The following STARD13 variants were observed in gnomAD, a reference collection of about 807,000 sequenced individuals.
STARD13 encodes stAR-related lipid transfer protein 13.
Under a neutral mutation model 106.4 loss-of-function variants are expected in STARD13, and 62 were observed. That is an observed-to-expected ratio of 0.58 (90% CI 0.48 to 0.72). The LOEUF (loss-of-function observed/expected upper bound fraction) is 0.72, where lower values mean the gene tolerates loss of function less well. STARD13 is among the 30% of genes least tolerant of loss of function. STARD13 has a pLI of 0.00. For synonymous variants in STARD13, 565 were observed against 553.0 expected, an observed-to-expected ratio of 1.02 and a Z score of -0.31; for missense variants, 1,387 against 1,424.0, an observed-to-expected ratio of 0.97 and a Z score of 0.42.
intron 1 of STARD13, among the ~76,000 whole-genome samples, chr13:33,333,378 ACT>A (rs1231185447): frequency 2.0e-5 from 3 of 152,168 alleles, no homozygotes; most frequent in African/African-American, 7.2e-5. Flanking sequence ...ACAGAGTGAG[ACT>A]CAGCCTCAAA....
chr13:33,318,735 A>G (rs1174013591), intron 1 of STARD13, among the ~76,000 whole-genome samples: 1 of 152,154 alleles, frequency 6.6e-6, no homozygotes, highest in Admixed American at 6.5e-5. Context: ...AAGACAAAAA[A>G]AAAGTAAGAA....
chr13:33,326,845 T>C (rs1270884884), intron 1 of STARD13, among the ~76,000 whole-genome samples: 1 of 152,252 alleles, frequency 6.6e-6, no homozygotes, highest in Non-Finnish European at 1.5e-5. Context: ...TATAATTTGT[T>C]GTAGATGTTT....
At chr13:33,638,707 AG>A in the STARD13 span, among the ~76,000 whole-genome samples, 5 of 152,188 alleles carry the variant, frequency 3.3e-5, no homozygotes, top group Non-Finnish European at 7.3e-5. Flanking sequence ...TTCTAAAAGG[AG>A]GAAGGCATAA....
intron 1 of STARD13, among the ~76,000 whole-genome samples, chr13:33,267,251 T>C (rs1265007697): frequency 6.6e-6 from 1 of 152,160 alleles, no homozygotes; most frequent in Admixed American, 6.5e-5. Context: ...GGGCAAAAAC[T>C]GATGAAGTCA....
chr13:33,253,696 C>T (rs986957612), intron 1 of STARD13, among the ~76,000 whole-genome samples: 5 of 152,112 alleles, frequency 3.3e-5, no homozygotes, highest in Non-Finnish European at 5.9e-5. Context: ...CCCGAGACCA[C>T]GGTGACCCCC....
chr13:33,624,655 C>T, the STARD13 span, among the ~76,000 whole-genome samples: 1 of 152,198 alleles, frequency 6.6e-6, no homozygotes, highest in Non-Finnish European at 1.5e-5. Context: ...CTTTGAGCCT[C>T]CTAAGGCCAG....
intron 1 of STARD13, among the ~76,000 whole-genome samples, chr13:33,267,471 C>G (rs1438119711): frequency 6.6e-6 from 1 of 152,170 alleles, no homozygotes; most frequent in African/African-American, 2.4e-5. Flanking sequence ...TGTCCGTTCC[C>G]GCACCTATGA....
chr13:33,402,223 C>G, the STARD13 span, among the ~76,000 whole-genome samples: 2 of 152,148 alleles, frequency 1.3e-5, no homozygotes, highest in African/African-American at 4.8e-5. Flanking sequence ...TGTTTACAAT[C>G]ACTCTCACCA....
chr13:33,459,607 T>A, the STARD13 span, among the ~76,000 whole-genome samples: 1 of 152,214 alleles, frequency 6.6e-6, no homozygotes, highest in South Asian at 2.1e-4. Flanking sequence ...CTTTTTCTCA[T>A]GGAAGTGGGA....
the STARD13 span, among the ~76,000 whole-genome samples, chr13:33,666,442 T>C: frequency 6.6e-6 from 1 of 151,100 alleles, no homozygotes; most frequent in South Asian, 2.1e-4. Context: ...TGCAGGCACA[T>C]GCCACCATGC....
the STARD13 span, among the ~76,000 whole-genome samples, chr13:33,462,746 C>T: frequency 7.4e-6 from 1 of 134,824 alleles, no homozygotes; most frequent in Admixed American, 7.9e-5. Flanking sequence ...CTCCTTCCAC[C>T]TTCTTCTGCC....
the STARD13 span, among the ~76,000 whole-genome samples, chr13:33,508,887 G>A: frequency 6.6e-6 from 1 of 152,088 alleles, no homozygotes; most frequent in Non-Finnish European, 1.5e-5. Flanking sequence ...ATATGATATA[G>A]CCTATTGCTC....
chr13:33,291,354 G>A (rs1411820795), intron 1 of STARD13, among the ~76,000 whole-genome samples: 1 of 152,154 alleles, frequency 6.6e-6, no homozygotes, highest in Non-Finnish European at 1.5e-5. Context: ...CATGACTTTA[G>A]CCATTCATCC....
chr13:33,198,229 GA>G (rs1367821756), intron 1 of STARD13, among the ~76,000 whole-genome samples: 2 of 152,242 alleles, frequency 1.3e-5, no homozygotes, highest in South Asian at 2.1e-4. Flanking sequence ...AGCCATCCAG[GA>G]AAAAAATCTA....
chr13:33,612,316 C>T, the STARD13 span, among the ~76,000 whole-genome samples: 13 of 152,256 alleles, frequency 8.5e-5, no homozygotes, highest in African/African-American at 2.6e-4. Flanking sequence ...AAGAATTAGG[C>T]GAGTCCTTAA....
At chr13:33,617,084 T>C in the STARD13 span, among the ~76,000 whole-genome samples, 1 of 152,224 alleles carries the variant, frequency 6.6e-6, no homozygotes, top group South Asian at 2.1e-4. Flanking sequence ...CGTTGAGTGC[T>C]TTTATTCTTA....
At chr13:33,335,384 G>A (rs575492713) in intron 1 of STARD13, 1 of 152,312 alleles carries the variant, frequency 6.6e-6, no homozygotes, top group South Asian at 2.1e-4. Flanking sequence ...GCAACAGTGG[G>A]GCAGGACTCC....
At chr13:33,464,229 G>T in the STARD13 span, among the ~76,000 whole-genome samples, 3 of 151,754 alleles carry the variant, frequency 2.0e-5, no homozygotes, top group Admixed American at 6.6e-5. Flanking sequence ...TGAAATGGGA[G>T]ATGGATAAAG....
chr13:33,369,195 C>T, the STARD13 span, among the ~76,000 whole-genome samples: 419 of 151,964 alleles, frequency 2.8e-3, 2 homozygotes, highest in African/African-American at 9.4e-3. Flanking sequence ...GCATCCTAGA[C>T]CAATTCAGAA....
Sources: allele counts gnomAD v4.1 joint callset (sites outside exome capture counted in the v4.1 genomes callset), GRCh38; gene constraint gnomAD v4.1.1; transcripts MANE v1.5; gene names NCBI Gene and HGNC (gene_info 2026-07-23, HGNC 2026-07-21).